The following PTCD1 variants were observed in gnomAD, a reference collection of about 807,000 sequenced individuals.
PTCD1 encodes the protein pentatricopeptide repeat domain 1, also known as pentatricopeptide repeat-containing protein 1, mitochondrial.
Under a neutral mutation model 53.4 loss-of-function variants are expected in PTCD1, and 50 were observed. That is an observed-to-expected ratio of 0.94 (90% CI 0.75 to 1.19). The LOEUF is 1.19. Ranked by LOEUF, PTCD1 falls within the 50% of genes most tolerant of loss-of-function variation. PTCD1 has a pLI of 0.00. For synonymous variants in PTCD1, 413 were observed against 394.8 expected (o/e 1.05, Z -0.55); for missense variants, 918 against 904.8 (o/e 1.01, Z -0.19).
At position 99,417,556 on chromosome 7, in the gene PTCD1, G is replaced by C. The variant is rs116357221; in HGVS notation, c.*2411C>G. On this transcript the variant is annotated 3_prime_UTR_variant, in exon 8 of 8. Transcript: ENST00000292478. ...AGACACGGGACACCAACTTCGGGACGAACTGCATCTGCCGCGTGCCCAAAA... is the reference window on the plus strand; with the variant it reads ...AGACACGGGACACCAACTTCGGGACCAACTGCATCTGCCGCGTGCCCAAAA... 6.2e-7 allele frequency: 1 copy of C among 1,612,542 alleles called. No individual in the cohort carries two copies. Among genetic ancestry groups the C allele is most frequent in the Non-Finnish European group, 8.5e-7 (1 of 1,179,058 alleles).
chr7:99,422,862 C>T (rs1179049800), intron 7 of PTCD1, among the ~76,000 whole-genome samples: 1 of 152,108 alleles, frequency 6.6e-6, no homozygotes, highest in African/African-American at 2.4e-5. Flanking sequence ...GTAAATGGCA[C>T]ACCTGGTCCA....
In PTCD1 at chr7:99,419,533, C is replaced by A; in HGVS notation, c.*434G>T. 6.8e-7 allele frequency: 1 copy of A among 1,462,764 alleles called. No individual in the cohort carries two copies. Among genetic ancestry groups the A allele is most frequent in the African/African-American group, 1.4e-5 (1 of 71,850 alleles). 90.6% of individuals were successfully genotyped at this position (1,462,764 alleles called of 1,614,324 possible). On this transcript the variant is annotated 3_prime_UTR_variant, in exon 8 of 8. Coordinates refer to ENST00000292478, the MANE Select transcript of PTCD1 (RefSeq NM_015545.4). Reference sequence around the variant, plus strand: ...GGGAGCAGCGAGCAGTGCCCCAGGCCCGAGTTGGAGCACGGTCTCTATGGG... The same window carrying A: ...GGGAGCAGCGAGCAGTGCCCCAGGCACGAGTTGGAGCACGGTCTCTATGGG...
Position 99,438,739 on chromosome 7 carries a change from C to G in PTCD1, c.-74G>C, listed in dbSNP as rs1270742444. On this transcript the variant is annotated 5_prime_UTR_variant, in exon 1 of 8. Coordinates refer to ENST00000292478, the MANE Select transcript of PTCD1 (RefSeq NM_015545.4). ...CTCCGACGGGGAGCCCTGCCCGGTC[C>G]CCGCGGCGAACCAGTCTCTTCCTCG... is the stretch of plus-strand genomic sequence containing the variant. 12 of 1,315,154 alleles carry G rather than the reference C, an allele frequency of 9.1e-6. No individual in the cohort carries two copies. Among genetic ancestry groups the G allele is most frequent in the Non-Finnish European group, 1.2e-5 (12 of 1,008,068 alleles). The allele number at this position is 1,315,154 out of a possible 1,614,324, so 81.5% of individuals were successfully genotyped here.
intron 7 of PTCD1, among the ~76,000 whole-genome samples, chr7:99,423,090 T>C (rs1170763619): frequency 6.6e-6 from 1 of 151,988 alleles, no homozygotes; most frequent in African/African-American, 2.4e-5. Flanking sequence ...TTTTTTTTTT[T>C]TGAGACCAAG....
Position 99,426,097 on chromosome 7 carries a change from G to GCCCCTC in PTCD1, c.916-482_916-481insGAGGGG, listed in dbSNP as rs1371148630. Among the ~76,000 whole-genome samples, 535 of 148,952 alleles carry GCCCCTC rather than the reference G, an allele frequency of 3.6e-3. 5 individuals are homozygous for GCCCCTC. The highest frequency in any genetic ancestry group is 0.012 in the African/African-American group (491 of 40,664). On this transcript the variant is annotated intron_variant, in intron 5 of 7. Coordinates refer to ENST00000292478, the MANE Select transcript of PTCD1 (RefSeq NM_015545.4). Reference sequence around the variant, plus strand: ...GTAAAACATTTAAAAAATTGGCCGGGCCTCTCCCTCTCCCTCTCCCTCTCC... The same window carrying GCCCCTC: ...GTAAAACATTTAAAAAATTGGCCGGGCCCCTCCCTCTCCCTCTCCCTCTCCCTCTCC...
Position 99,419,157 on chromosome 7 carries a change from T to C in PTCD1, c.*810A>G. 1.8e-6 allele frequency: 1 copy of C among 568,840 alleles called. No individual in the cohort carries two copies. The highest frequency in any genetic ancestry group is 3.1e-6 in the Non-Finnish European group (1 of 318,048). The allele number at this position is 568,840 out of a possible 1,614,324, so 35.2% of individuals were successfully genotyped here. A position where few individuals can be genotyped will look rare whatever the true frequency, so the allele number is the denominator to read the frequency against. ...TTGATTGGCAAACGTGTGTTGGATT[T>C]GCAGAACATATTATAAATAGACATA... On this transcript the variant is annotated 3_prime_UTR_variant, in exon 8 of 8. Coordinates refer to ENST00000292478, the MANE Select transcript of PTCD1 (RefSeq NM_015545.4).
Position 99,416,951 on chromosome 7 carries a change from C to T in PTCD1, c.*3016G>A, listed in dbSNP as rs1316379974. The T allele has an allele frequency of 1.2e-5, 2 of 162,860 alleles. No individual in the cohort carries two copies. Among genetic ancestry groups the T allele is most frequent in the African/African-American group, 4.8e-5 (2 of 41,446 alleles). 10.1% of individuals were successfully genotyped at this position (162,860 alleles called of 1,614,324 possible). A position where few individuals can be genotyped will look rare whatever the true frequency, so the allele number is the denominator to read the frequency against. On this transcript the variant is annotated 3_prime_UTR_variant, in exon 8 of 8. Transcript: ENST00000292478. The stretch of plus-strand genomic sequence containing the variant: ...CTGGTTTCTTAACTCAAATGATCCT[C>T]TGGCGTTGGCTTCCAAAAGTGCTGG...
At chr7:99,428,766 C>A (rs1796154077) in intron 5 of PTCD1, among the ~76,000 whole-genome samples, 1 of 151,974 alleles carries the variant, frequency 6.6e-6, no homozygotes, top group African/African-American at 2.4e-5. Context: ...ATGAATGACT[C>A]CTGGGTTGCA....
chr7:99,433,078 C>T lies in PTCD1; in HGVS notation c.594+200G>A, dbSNP rs937906944. Reference sequence around the variant, plus strand: ...GGGAAAAGAAAGGGAACATGGGGACCGCCACAGTCCAGGCAGGTGCTAAAG... The same window carrying T: ...GGGAAAAGAAAGGGAACATGGGGACTGCCACAGTCCAGGCAGGTGCTAAAG... On this transcript the variant is annotated intron_variant, in intron 3 of 7. Coordinates refer to ENST00000292478, the MANE Select transcript of PTCD1 (RefSeq NM_015545.4). 1.7e-4 allele frequency: 126 copies of T among 740,822 alleles called. No homozygotes were observed. The East Asian group carries it at 3.1e-3, about 18-fold the overall frequency. 45.9% of individuals were successfully genotyped at this position (740,822 alleles called of 1,614,324 possible).
chr7:99,434,945 T>C lies in PTCD1; in HGVS notation c.298A>G (p.Arg100Gly), dbSNP rs901121725. The change falls in exon 2 of 8, where the codon AGA becomes GGA. Residue 100 changes from arginine to glycine, a missense_variant. By Grantham distance (125) the Arg-to-Gly change is moderately radical (BLOSUM62 -2). Transcript: ENST00000292478. ...GTLSDKYSSR[R>G]LFRKSAAQFH... ...TGGGCTGCGGATTTGCGGAATAGTC[T>C]CCGGGAGGAGTATTTGTCAGAGAGG... The C allele has an allele frequency of 1.2e-6, 2 of 1,614,114 alleles. No homozygotes were observed. Among genetic ancestry groups the C allele is most frequent in the African/African-American group, 2.7e-5 (2 of 74,940 alleles).
At chr7:99,424,517 G>C (rs1795942039) in intron 6 of PTCD1, among the ~76,000 whole-genome samples, 1 of 152,172 alleles carries the variant, frequency 6.6e-6, no homozygotes, top group African/African-American at 2.4e-5. Context: ...TAGAGTGTTG[G>C]GGCCGAGGCC....
At position 99,416,984 on chromosome 7, in the gene PTCD1, GGT is replaced by G; in HGVS notation, c.*2981_*2982del. On this transcript the variant is annotated 3_prime_UTR_variant, in exon 8 of 8. Transcript: ENST00000292478. ...GGCTTCCAAAAGTGCTGGGATTACAGGTGTGAGGCACCTTGCCTGGCCTAAGT... is the reference window on the plus strand; with the variant it reads ...GGCTTCCAAAAGTGCTGGGATTACAGGTGAGGCACCTTGCCTGGCCTAAGT... 3 of 170,286 alleles carry G rather than the reference GGT, an allele frequency of 1.8e-5. No individual in the cohort carries two copies. The highest frequency in any genetic ancestry group is 3.0e-3 in the Middle Eastern group (1 of 328). The allele number at this position is 170,286 out of a possible 1,614,324, so 10.5% of individuals were successfully genotyped here.
chr7:99,423,831 C>A lies in PTCD1; in HGVS notation c.1864G>T (p.Glu622Ter), dbSNP rs147029104. 2.5e-5 allele frequency: 40 copies of A among 1,614,174 alleles called. No homozygotes were observed. The highest frequency in any genetic ancestry group is 3.4e-5 in the Non-Finnish European group (40 of 1,180,028). Residue 622 changes from glutamate to a stop codon, truncating the protein, a stop_gained, in exon 7 of 8, where the codon GAA becomes TAA. Coordinates refer to ENST00000292478, the MANE Select transcript of PTCD1 (RefSeq NM_015545.4). LOFTEE classifies it high-confidence loss of function. The stretch of plus-strand genomic sequence containing the variant: ...AACTCCAGCTGGCGGATGACCACTT[C>A]GTTCACCGGGACCCTGTTCTGCTTC... ...DMKQNRVPVN[E>*]VVIRQLEFAA...
intron 3 of PTCD1, 58 bp downstream of exon 3, chr7:99,433,220 T>C: frequency 6.2e-7 from 1 of 1,613,852 alleles, no homozygotes; most frequent in Non-Finnish European, 8.5e-7. Flanking sequence ...GTGGCACACT[T>C]GGGATCCGCC....
intron 6 of PTCD1, among the ~76,000 whole-genome samples, chr7:99,424,193 G>A (rs919161575): frequency 4.6e-5 from 7 of 152,210 alleles, no homozygotes; most frequent in African/African-American, 1.7e-4. Flanking sequence ...GACACCGACT[G>A]ACTCAGGCAG....
Position 99,425,314 on chromosome 7 carries a change from C to T in PTCD1, c.1218G>A (p.Val406=), listed in dbSNP as rs145992358. 2.5e-6 allele frequency: 4 copies of T among 1,614,020 alleles called. No individual in the cohort carries two copies. The African/African-American group carries it at 5.3e-5, about 22-fold the overall frequency. The stretch of plus-strand genomic sequence containing the variant: ...CCACCTCTGGTTGGGCCTTGCCGGG[C>T]ACTCTGGCTTCCGGAGGCTCTGGAG... ...LGPPEPPEAR[V]PGKAQPEVDT... The change falls in exon 6 of 8, where the codon GTG becomes GTA. Residue 406 remains valine (V), a synonymous_variant. Coordinates refer to ENST00000292478, the MANE Select transcript of PTCD1 (RefSeq NM_015545.4).
chr7:99,437,095 G>T (rs1353366719), intron 1 of PTCD1, among the ~76,000 whole-genome samples: 3 of 152,128 alleles, frequency 2.0e-5, no homozygotes, highest in African/African-American at 7.2e-5. Context: ...AGAACTCCTG[G>T]CCTCAAGCAA....
intron 7 of PTCD1, among the ~76,000 whole-genome samples, chr7:99,421,042 ACTC>A (rs987273250): frequency 6.6e-6 from 1 of 152,182 alleles, no homozygotes; most frequent in African/African-American, 2.4e-5. Flanking sequence ...AGAAAGCAAA[ACTC>A]AACAGAATCA....
intron 6 of PTCD1, 98 bp downstream of exon 6, chr7:99,424,697 T>C (rs1795949772): frequency 1.3e-6 from 2 of 1,481,900 alleles, no homozygotes; most frequent in African/African-American, 1.4e-5. Flanking sequence ...GTTCATCCTC[T>C]CCAGGTGGGG....
Sources: gnomAD v4.1 joint callset for allele counts (sites outside exome capture counted in the v4.1 genomes callset) on GRCh38, gnomAD v4.1.1 for gene constraint, MANE v1.5 for transcripts, NCBI Gene and HGNC (gene_info 2026-07-23, HGNC 2026-07-21) for gene names.